NRDC: variants seen among roughly 807,000 people sequenced by gnomAD.
The protein encoded by NRDC is nardilysin.
Under a neutral mutation model 147.1 loss-of-function variants are expected in NRDC, and 54 were observed. The observed-to-expected ratio is 0.37, with a 90% CI of 0.29 to 0.46. The LOEUF (loss-of-function observed/expected upper bound fraction) is 0.46, where lower values mean the gene tolerates loss of function less well. Among genes scored for constraint, NRDC ranks in the 20% least tolerant of loss-of-function variants. The pLI, the probability that NRDC is intolerant of heterozygous loss-of-function variation, is 1.00. For synonymous variants in NRDC, 440 were observed against 482.1 expected (o/e 0.91, Z 1.14); for missense variants, 1,082 against 1,370.6 (o/e 0.79, Z 3.33).
intron 14 of NRDC, among the ~76,000 whole-genome samples, 178 bp downstream of exon 14, chr1:51,813,857 A>G (rs920573092): frequency 3.3e-5 from 5 of 152,194 alleles, no homozygotes; most frequent in Non-Finnish European, 7.3e-5. Context: ...CTTACTCAAT[A>G]TAAATACTCA....
At chr1:51,817,518 T>G (rs1278789901) in intron 10 of NRDC, among the ~76,000 whole-genome samples, 2 of 152,186 alleles carry the variant, frequency 1.3e-5, no homozygotes, top group African/African-American at 4.8e-5. Context: ...TTGGGATTTA[T>G]GTACCCTAGT....
At chr1:51,842,539 T>C (rs770695818) in intron 1 of NRDC, among the ~76,000 whole-genome samples, 4 of 152,188 alleles carry the variant, frequency 2.6e-5, no homozygotes, top group Non-Finnish European at 4.4e-5. Context: ...GGTATATTCA[T>C]ATAATGAAAA....
intron 1 of NRDC, among the ~76,000 whole-genome samples, chr1:51,858,845 T>G (rs1682390607): frequency 6.6e-6 from 1 of 152,192 alleles, no homozygotes; most frequent in African/African-American, 2.4e-5. Flanking sequence ...GAAATTTACA[T>G]CTATAAAGGA....
At chr1:51,814,326 C>T (rs12127534) in intron 13 of NRDC, 10,304 of 570,658 alleles carry the variant, frequency 0.018, 109 homozygotes, top group Non-Finnish European at 0.025. Flanking sequence ...ATAGAAGCAT[C>T]AACAATAAAA....
At position 51,853,012 on chromosome 1, in the gene NRDC, A is replaced by T. The variant is rs564664704; in HGVS notation, c.342-12498T>A. 5.9e-5 allele frequency among the ~76,000 whole-genome samples: 9 copies of T among 152,120 alleles called. 1 individual carries two copies. The South Asian group carries it at 1.2e-3, about 21-fold the overall frequency. ...GCCGAGGCGGGTAGATCATGGTGTC[A>T]GGAGTTCGAGACCAGCCTGACCAAC... On this transcript the variant is annotated intron_variant, in intron 1 of 30. Coordinates refer to ENST00000352171, the MANE Select transcript of NRDC (RefSeq NM_001101662.2).
At chr1:51,868,040 G>A (rs1398942255) in intron 1 of NRDC, among the ~76,000 whole-genome samples, 1 of 152,160 alleles carries the variant, frequency 6.6e-6, no homozygotes, top group Non-Finnish European at 1.5e-5. Flanking sequence ...AACATAAAAG[G>A]TGTAAGGAGA....
intron 1 of NRDC, among the ~76,000 whole-genome samples, chr1:51,871,461 T>C (rs892364836): frequency 1.4e-5 from 2 of 138,422 alleles, no homozygotes; most frequent in African/African-American, 5.4e-5. Flanking sequence ...GCTTGACCTC[T>C]CAGTTTTATC....
intron 9 of NRDC, among the ~76,000 whole-genome samples, chr1:51,819,076 C>T (rs1031766287): frequency 2.6e-5 from 4 of 152,044 alleles, no homozygotes; most frequent in South Asian, 2.1e-4. Context: ...CGAAGGCAGG[C>T]GGATCACTTG....
In NRDC at chr1:51,842,307, A is replaced by G. The variant is rs541604177; in HGVS notation, c.342-1793T>C. On this transcript the variant is annotated intron_variant, in intron 1 of 30. Coordinates refer to ENST00000352171, the MANE Select transcript of NRDC (RefSeq NM_001101662.2). ...GAAAGGACACTGTTAGCAGATTACA[A>G]ATTTTTAGAAATCATTAGAAGACAT... Among the ~76,000 whole-genome samples, 12 of 152,218 alleles carry G rather than the reference A, an allele frequency of 7.9e-5. No homozygotes were observed. In the South Asian group the frequency reaches 2.3e-3, roughly 29 times the overall value.
intron 1 of NRDC, among the ~76,000 whole-genome samples, chr1:51,846,275 G>A (rs528913789): frequency 2.4e-4 from 36 of 152,126 alleles, no homozygotes; most frequent in Admixed American, 2.2e-3. Flanking sequence ...ACCGCACCTG[G>A]TTAATTTTTT....
intron 1 of NRDC, among the ~76,000 whole-genome samples, chr1:51,874,130 A>T (rs904152947): frequency 3.4e-5 from 5 of 148,312 alleles, no homozygotes; most frequent in Non-Finnish European, 7.4e-5. Flanking sequence ...CTGTCTCAAA[A>T]TTTTTTTTAA....
At position 51,878,668 on chromosome 1, in the gene NRDC, C is replaced by G. The variant is rs565283425; in HGVS notation, c.-53G>C. ...CCCGCTTCCCAGGACCCACCTCCTCCGCGTTCTAGAGGCGGTGGCGGCCGG... is the reference window on the plus strand; with the variant it reads ...CCCGCTTCCCAGGACCCACCTCCTCGGCGTTCTAGAGGCGGTGGCGGCCGG... On this transcript the variant is annotated 5_prime_UTR_variant, in exon 1 of 31. Coordinates refer to ENST00000352171, the MANE Select transcript of NRDC (RefSeq NM_001101662.2). 3.0e-4 allele frequency: 452 copies of G among 1,506,358 alleles called. 3 individuals carry two copies. The African/African-American group carries it at 5.4e-3, about 18-fold the overall frequency. The allele number at this position is 1,506,358 out of a possible 1,614,324, so 93.3% of individuals were successfully genotyped here.
In NRDC at chr1:51,813,050, A is replaced by T. The variant is rs1538879; in HGVS notation, c.1675-952T>A. Among the ~76,000 whole-genome samples, 3 of 151,260 alleles carry T rather than the reference A, an allele frequency of 2.0e-5. No individual in the cohort carries two copies. In the East Asian group the frequency reaches 5.8e-4, roughly 29 times the overall value. Reference sequence around the variant, plus strand: ...ATCCTACCACTTTGGGAGGCCAATGAGGGAGGATAACTTGAGCCCAGTTTG... The same window carrying T: ...ATCCTACCACTTTGGGAGGCCAATGTGGGAGGATAACTTGAGCCCAGTTTG... On this transcript the variant is annotated intron_variant, in intron 14 of 30. Coordinates refer to ENST00000352171, the MANE Select transcript of NRDC (RefSeq NM_001101662.2).
At chr1:51,800,790 G>A in intron 20 of NRDC, 107 bp from the exon 21 acceptor site, 1 of 1,069,750 alleles carries the variant, frequency 9.3e-7, no homozygotes, top group Non-Finnish European at 1.4e-6. Context: ...ATGGAACTAG[G>A]CATTGTGGGG....
At chr1:51,798,161 C>A in intron 22 of NRDC, 88 bp downstream of exon 22, 1 of 1,374,758 alleles carries the variant, frequency 7.3e-7, no homozygotes, top group South Asian at 1.3e-5. Context: ...CCTGCCAAAA[C>A]TACAGCTTCC....
intron 2 of NRDC, 198 bp downstream of exon 2, chr1:51,840,028 T>C: frequency 2.1e-6 from 1 of 467,088 alleles, no homozygotes; most frequent in South Asian, 4.4e-5. Flanking sequence ...TTATATTCCA[T>C]TAGTTTATAT....
At chr1:51,864,207 T>A (rs1682689424) in intron 1 of NRDC, among the ~76,000 whole-genome samples, 1 of 152,202 alleles carries the variant, frequency 6.6e-6, no homozygotes, top group African/African-American at 2.4e-5. Context: ...TCTGTACTCA[T>A]AGACTGCTAT....
rs1571839137 is a variant in NRDC, at chr1:51,795,937, G to GGC, written c.2605-1084_2605-1083insGC. On this transcript the variant is annotated intron_variant, in intron 22 of 30. Transcript: ENST00000352171. ...GCTTTATTGCCCAGGCTGGAGGGCA[G>GGC]TGGCATGACCTCAGCTCACTGCAGC... 5.9e-5 allele frequency among the ~76,000 whole-genome samples: 9 copies of GGC among 151,632 alleles called. No homozygotes were observed. The East Asian group carries it at 1.5e-3, about 26-fold the overall frequency.
intron 1 of NRDC, among the ~76,000 whole-genome samples, chr1:51,861,333 CT>C (rs1375907674): frequency 5.6e-5 from 7 of 124,830 alleles, no homozygotes; most frequent in Admixed American, 9.1e-5. Flanking sequence ...TCTTCTTCTT[CT>C]TTTTTTTTTT....
Sources: allele counts gnomAD v4.1 joint callset (sites outside exome capture counted in the v4.1 genomes callset), GRCh38; gene constraint gnomAD v4.1.1; transcripts MANE v1.5; gene names NCBI Gene and HGNC (gene_info 2026-07-23, HGNC 2026-07-21).